The following ELMO1 variants were observed in gnomAD, a reference collection of about 807,000 sequenced individuals.
ELMO1 encodes engulfment and cell motility 1, also known as engulfment and cell motility protein 1.
In ELMO1, 26 loss-of-function variants were observed where a neutral mutation model predicts 98.9. The ratio of observed to expected loss-of-function variants is 0.26; its 90% CI spans 0.19 to 0.36. The LOEUF is 0.36. Among genes scored for constraint, ELMO1 ranks in the 10% least tolerant of loss-of-function variants. The probability of loss-of-function intolerance (pLI) is 1.00; values close to 1 mark genes in which losing one functional copy is unlikely to be tolerated. For missense variants in ELMO1, 627 were observed against 935.2 expected, an observed-to-expected ratio of 0.67 and a Z score of 4.30; for synonymous variants, 346 against 346.0, an observed-to-expected ratio of 1.00 and a Z score of 0.00.
At chr7:37,104,857 A>G (rs1247545677) in intron 14 of ELMO1, among the ~76,000 whole-genome samples, 2 of 152,202 alleles carry the variant, frequency 1.3e-5, no homozygotes, top group Non-Finnish European at 2.9e-5. Context: ...GTGGAAAAAA[A>G]AAAAGAAAAG....
intron 2 of ELMO1, among the ~76,000 whole-genome samples, chr7:37,328,810 T>A (rs1255060139): frequency 6.6e-6 from 1 of 152,212 alleles, no homozygotes; most frequent in Non-Finnish European, 1.5e-5. Context: ...TTCTCTGTAG[T>A]CCTTTCTGTC....
In ELMO1 at chr7:36,853,546, C is replaced by T. The variant is rs954165236; in HGVS notation, c.*2005G>A. Among the ~76,000 whole-genome samples, 3 of 152,196 alleles carry T rather than the reference C, an allele frequency of 2.0e-5. No homozygotes were observed. The highest frequency in any genetic ancestry group is 7.2e-5 in the African/African-American group (3 of 41,442). On this transcript the variant is annotated 3_prime_UTR_variant, in exon 22 of 22. Transcript: ENST00000310758. ...CAAGTACATGTTAATAACATCGAAG[C>T]TTAATGATCAAGGAATTAACAGCTT... is the stretch of plus-strand genomic sequence containing the variant.
At chr7:37,361,349 G>A (rs770455030) in intron 1 of ELMO1, among the ~76,000 whole-genome samples, 12 of 152,138 alleles carry the variant, frequency 7.9e-5, no homozygotes, top group African/African-American at 2.7e-4. Context: ...AAGTAAATCC[G>A]GAGTGAATTA....
intron 1 of ELMO1, among the ~76,000 whole-genome samples, chr7:37,411,846 T>A (rs938027024): frequency 2.0e-5 from 3 of 152,234 alleles, no homozygotes; most frequent in African/African-American, 7.2e-5. Context: ...TCAGATCACA[T>A]GGTCATGGAG....
intron 1 of ELMO1, among the ~76,000 whole-genome samples, chr7:37,381,997 A>G (rs1802602576): frequency 6.6e-6 from 1 of 152,200 alleles, no homozygotes; most frequent in African/African-American, 2.4e-5. Flanking sequence ...GAATTCAGCA[A>G]TCTATACATT....
intron 13 of ELMO1, among the ~76,000 whole-genome samples, chr7:37,198,366 T>G (rs1190701095): frequency 1.3e-5 from 2 of 152,184 alleles, no homozygotes; most frequent in Admixed American, 1.3e-4. Flanking sequence ...CACCATCAGA[T>G]CCAAATGACA....
At position 37,292,091 on chromosome 7, in the gene ELMO1, G is replaced by A. The variant is rs112432473; in HGVS notation, c.193-20209C>T. Among the ~76,000 whole-genome samples, 52 of 125,714 alleles carry A rather than the reference G, an allele frequency of 4.1e-4. 12 individuals are homozygous for A. In the Middle Eastern group the frequency reaches 0.014, roughly 34 times the overall value. The allele number at this position is 125,714 out of a possible 152,430, so 82.5% of individuals were successfully genotyped here. On this transcript the variant is annotated intron_variant, in intron 4 of 21. Coordinates refer to ENST00000310758, the MANE Select transcript of ELMO1 (RefSeq NM_014800.11). ...GCTTGCCCAGTACCTGCGATTGCAG[G>A]CGCGCACCGCCACGCCTGACTGGTT...
At chr7:36,961,973 G>A (rs892392776) in intron 16 of ELMO1, among the ~76,000 whole-genome samples, 3 of 152,184 alleles carry the variant, frequency 2.0e-5, no homozygotes, top group African/African-American at 4.8e-5. Context: ...CAAAAATTGT[G>A]TGACTTAATT....
intron 13 of ELMO1, among the ~76,000 whole-genome samples, chr7:37,150,212 T>G (rs1358839532): frequency 2.0e-5 from 3 of 152,132 alleles, no homozygotes; most frequent in Admixed American, 6.5e-5. Context: ...CCCTTCAATA[T>G]ACTTCTTATA....
chr7:36,936,940 T>C (rs1261023206), intron 16 of ELMO1, among the ~76,000 whole-genome samples: 1 of 152,194 alleles, frequency 6.6e-6, no homozygotes, highest in African/African-American at 2.4e-5. Context: ...GTTTCTTTTT[T>C]GGGCCACACT....
At chr7:37,047,810 T>C (rs1017760041) in intron 15 of ELMO1, among the ~76,000 whole-genome samples, 6 of 152,112 alleles carry the variant, frequency 3.9e-5, no homozygotes, top group African/African-American at 1.4e-4. Flanking sequence ...CAGATAAGTA[T>C]CTCCAGGAAA....
intron 7 of ELMO1, among the ~76,000 whole-genome samples, chr7:37,239,245 A>T (rs922077293): frequency 1.1e-4 from 16 of 152,100 alleles, no homozygotes; most frequent in Admixed American, 1.0e-3. Flanking sequence ...GGCTCACTGA[A>T]ACCTCCACCT....
intron 1 of ELMO1, among the ~76,000 whole-genome samples, chr7:37,377,141 A>G (rs890260147): frequency 6.6e-6 from 1 of 152,212 alleles, no homozygotes; most frequent in African/African-American, 2.4e-5. Flanking sequence ...CAAGTTTTGG[A>G]GAGTATTACG....
At chr7:37,062,806 G>A (rs888711778) in intron 15 of ELMO1, among the ~76,000 whole-genome samples, 2 of 152,164 alleles carry the variant, frequency 1.3e-5, no homozygotes, top group African/African-American at 2.4e-5. Context: ...CAGTTAGGTC[G>A]AACTTTGTAT....
intron 18 of ELMO1, among the ~76,000 whole-genome samples, chr7:36,880,672 A>G (rs576543917): frequency 3.3e-5 from 5 of 152,340 alleles, no homozygotes; most frequent in African/African-American, 1.2e-4. Flanking sequence ...TCTTCAAGGC[A>G]GCTAAGAGAA....
At chr7:37,404,912 TCCC>T (rs1030532019) in intron 1 of ELMO1, among the ~76,000 whole-genome samples, 2 of 152,046 alleles carry the variant, frequency 1.3e-5, no homozygotes, top group African/African-American at 4.8e-5. Context: ...CCCTCTTTGT[TCCC>T]CCCATTTTTA....
At chr7:37,415,181 T>C (rs1265668102) in intron 1 of ELMO1, among the ~76,000 whole-genome samples, 1 of 152,226 alleles carries the variant, frequency 6.6e-6, no homozygotes, top group Non-Finnish European at 1.5e-5. Context: ...ATCTGGAGCC[T>C]TGTTGGAATA....
At chr7:37,346,719 G>A (rs946309462) in intron 1 of ELMO1, among the ~76,000 whole-genome samples, 2 of 152,184 alleles carry the variant, frequency 1.3e-5, no homozygotes, top group Non-Finnish European at 2.9e-5. Context: ...ATACACAATC[G>A]TGGGGGTTAA....
intron 13 of ELMO1, among the ~76,000 whole-genome samples, chr7:37,172,887 C>T (rs1790265427): frequency 6.6e-6 from 1 of 152,172 alleles, no homozygotes; most frequent in Non-Finnish European, 1.5e-5. Flanking sequence ...TCCAAATTTC[C>T]CTTAACTAGC....
Sources: allele counts gnomAD v4.1 joint callset (sites outside exome capture counted in the v4.1 genomes callset), GRCh38; gene constraint gnomAD v4.1.1; transcripts MANE v1.5; gene names NCBI Gene and HGNC (gene_info 2026-07-23, HGNC 2026-07-21).